The following PDE4D variants were observed in gnomAD, a reference collection of about 807,000 sequenced individuals.
PDE4D encodes the protein 3',5'-cyclic-AMP phosphodiesterase 4D.
In PDE4D, 24 loss-of-function variants were observed where a neutral mutation model predicts 87.4. The observed-to-expected ratio is 0.27, with a 90% CI of 0.20 to 0.39. The LOEUF is 0.39. Among genes scored for constraint, PDE4D ranks in the 10% least tolerant of loss-of-function variants. PDE4D has a pLI of 1.00. For synonymous variants in PDE4D, 384 were observed against 383.2 expected (o/e 1.00, Z -0.02); for missense variants, 714 against 1,041.0 (o/e 0.69, Z 4.32).
At chr5:60,131,058 A>G (rs1459564424) in intron 2 of PDE4D, among the ~76,000 whole-genome samples, 2 of 152,212 alleles carry the variant, frequency 1.3e-5, no homozygotes, top group Non-Finnish European at 2.9e-5. Context: ...GGATGTTTCT[A>G]GCATCAATTT....
At chr5:59,274,811 T>TAATAA in intron 1 of PDE4D, among the ~76,000 whole-genome samples, 1 of 152,118 alleles carries the variant, frequency 6.6e-6, no homozygotes, top group Non-Finnish European at 1.5e-5. Flanking sequence ...GAATCATTTC[T>TAATAA]AATAAAATAA....
chr5:59,028,455 T>A (rs1001032285), intron 6 of PDE4D, among the ~76,000 whole-genome samples: 1 of 150,300 alleles, frequency 6.7e-6, no homozygotes, highest in Non-Finnish European at 1.5e-5. Context: ...TGGAAATGAA[T>A]GAGTTCTACT....
intron 5 of PDE4D, among the ~76,000 whole-genome samples, chr5:59,077,104 C>T (rs1765806392): frequency 6.6e-6 from 1 of 152,124 alleles, no homozygotes; most frequent in South Asian, 2.1e-4. Flanking sequence ...GGTCAAGTTA[C>T]TTAACCTCTC....
At chr5:60,193,689 AAAAGAAAG>A (rs1382427939) in intron 1 of PDE4D, among the ~76,000 whole-genome samples, 3 of 146,940 alleles carry the variant, frequency 2.0e-5, no homozygotes, top group African/African-American at 7.7e-5. Flanking sequence ...AAAAAAAAAA[AAAAGAAAG>A]AAAAAGAAAA....
At chr5:59,655,120 T>G (rs943700469) in intron 1 of PDE4D, among the ~76,000 whole-genome samples, 4 of 151,902 alleles carry the variant, frequency 2.6e-5, no homozygotes, top group Non-Finnish European at 5.9e-5. Flanking sequence ...ATATTCTATG[T>G]TTTTTTTCAA....
chr5:59,356,745 A>C, intron 1 of PDE4D: 2 of 1,565,920 alleles, frequency 1.3e-6, no homozygotes, highest in South Asian at 2.3e-5. Flanking sequence ...CTACAAAAGG[A>C]AAAGAGTAAT....
chr5:60,199,230 G>C (rs1413004958), intron 1 of PDE4D, among the ~76,000 whole-genome samples: 8 of 151,648 alleles, frequency 5.3e-5, no homozygotes, highest in Non-Finnish European at 1.2e-4. Flanking sequence ...AAATTCAAAG[G>C]CTCTGAATAT....
At chr5:59,999,531 AAAAAAAAAAACAAAAC>A (rs1019384232) in intron 2 of PDE4D, among the ~76,000 whole-genome samples, 1 of 117,800 alleles carries the variant, frequency 8.5e-6, no homozygotes, top group Non-Finnish European at 1.8e-5. Flanking sequence ...CGTGGTAAAA[AAAAAAAAAAACAAAAC>A]AAAACTGGAG....
intron 1 of PDE4D, among the ~76,000 whole-genome samples, chr5:59,870,442 A>G (rs1747656399): frequency 1.3e-5 from 2 of 152,242 alleles, no homozygotes; most frequent in Admixed American, 1.3e-4. Context: ...CAAAAGCTGA[A>G]AAAATAAGTT....
intron 1 of PDE4D, among the ~76,000 whole-genome samples, chr5:60,366,615 G>A (rs770694961): frequency 7.9e-5 from 12 of 152,140 alleles, no homozygotes; most frequent in Non-Finnish European, 1.6e-4. Context: ...AGCCCTTTGT[G>A]TGAAAGAGAA....
At chr5:59,526,305 T>A (rs1813122780) in intron 1 of PDE4D, among the ~76,000 whole-genome samples, 1 of 152,132 alleles carries the variant, frequency 6.6e-6, no homozygotes, top group African/African-American at 2.4e-5. Flanking sequence ...ATGCCTATGG[T>A]TCTCTGCAGT....
chr5:60,211,588 TTTTA>T (rs1743234893), intron 1 of PDE4D, among the ~76,000 whole-genome samples: 2 of 150,352 alleles, frequency 1.3e-5, no homozygotes, highest in African/African-American at 4.8e-5. Context: ...ATTTGTATAT[TTTTA>T]TTTATATTAT....
At chr5:60,154,168 A>G (rs546885218) in intron 2 of PDE4D, among the ~76,000 whole-genome samples, 1 of 152,366 alleles carries the variant, frequency 6.6e-6, no homozygotes, top group South Asian at 2.1e-4. Context: ...TTCCCATGGC[A>G]TCATGAGATC....
intron 1 of PDE4D, among the ~76,000 whole-genome samples, chr5:59,419,402 A>G (rs1448678511): frequency 6.6e-6 from 1 of 152,188 alleles, no homozygotes; most frequent in Non-Finnish European, 1.5e-5. Flanking sequence ...GCACAAGTGA[A>G]TGTATGAGTG....
chr5:59,537,287 T>C (rs1230876552), intron 1 of PDE4D, among the ~76,000 whole-genome samples: 1 of 152,236 alleles, frequency 6.6e-6, no homozygotes, highest in Non-Finnish European at 1.5e-5. Context: ...AGTTTGTATT[T>C]CACATAGAAG....
rs762225868 is a variant in PDE4D, at chr5:59,740,526, T to C, written c.455+152642A>G. Among the ~76,000 whole-genome samples the C allele has an allele frequency of 7.2e-4, 109 of 152,350 alleles. 1 individual carries two copies. Among genetic ancestry groups the C allele is most frequent in the Middle Eastern group, 6.8e-3 (2 of 294 alleles). On this transcript the variant is annotated intron_variant, in intron 1 of 14. Coordinates refer to ENST00000340635, the MANE Select transcript of PDE4D (RefSeq NM_001104631.2). ...AATCACGTGGAATTCATAGGCAGTT[T>C]GCTTTTCTTGTACCATCACTCAATT...
At position 59,714,206 on chromosome 5, in the gene PDE4D, A is replaced by G. The variant is rs1580622829; in HGVS notation, c.455+178962T>C. On this transcript the variant is annotated intron_variant, in intron 1 of 14. Coordinates refer to ENST00000340635, the MANE Select transcript of PDE4D (RefSeq NM_001104631.2). ...ATTTGACTTTGGCCAGGGTTGACTG[A>G]GAGAAAATCGATAAGCAGCCCAATG... Among the ~76,000 whole-genome samples the G allele has an allele frequency of 3.3e-5, 5 of 152,356 alleles. 1 individual carries two copies. In the South Asian group the frequency reaches 1.0e-3, roughly 32 times the overall value.
At position 59,742,213 on chromosome 5, in the gene PDE4D, A is replaced by C. The variant is rs187291727; in HGVS notation, c.455+150955T>G. On this transcript the variant is annotated intron_variant, in intron 1 of 14. Coordinates refer to ENST00000340635, the MANE Select transcript of PDE4D (RefSeq NM_001104631.2). ...TGAGTAGCTGGGATTACAGGCATGC[A>C]CTACCATATTTGGTGAATTTTTATA... is the stretch of plus-strand genomic sequence containing the variant. 3.9e-5 allele frequency among the ~76,000 whole-genome samples: 6 copies of C among 152,230 alleles called. No individual in the cohort carries two copies. In the East Asian group the frequency reaches 9.7e-4, roughly 25 times the overall value.
At chr5:59,421,156 TAGG>T (rs1794428802) in intron 1 of PDE4D, among the ~76,000 whole-genome samples, 1 of 152,180 alleles carries the variant, frequency 6.6e-6, no homozygotes. Context: ...CAAGAAATCT[TAGG>T]AGAATTTTGA....
Sources: allele counts gnomAD v4.1 joint callset (sites outside exome capture counted in the v4.1 genomes callset), GRCh38; gene constraint gnomAD v4.1.1; transcripts MANE v1.5; gene names NCBI Gene and HGNC (gene_info 2026-07-23, HGNC 2026-07-21).